KLHL6: variants seen among roughly 807,000 people sequenced by gnomAD.
The protein encoded by KLHL6 is kelch like family member 6.
Under a neutral mutation model 58.6 loss-of-function variants are expected in KLHL6, and 41 were observed. That is an observed-to-expected ratio of 0.70 (90% CI 0.55 to 0.91). The LOEUF (loss-of-function observed/expected upper bound fraction) is 0.91. KLHL6 is among the 40% of genes least tolerant of loss of function. The pLI is 0.00. For missense variants in KLHL6, 714 were observed against 805.6 expected, an observed-to-expected ratio of 0.89 and a Z score of 1.38; for synonymous variants, 338 against 322.7, an observed-to-expected ratio of 1.05 and a Z score of -0.51.
intron 1 of KLHL6, among the ~76,000 whole-genome samples, chr3:183,538,249 C>T (rs1712429451): frequency 6.6e-6 from 1 of 152,168 alleles, no homozygotes; most frequent in Admixed American, 6.6e-5. Context: ...ATATTTCACC[C>T]AGCCCGACTC....
chr3:183,554,955 G>A (rs890137822), intron 1 of KLHL6, among the ~76,000 whole-genome samples: 6 of 151,988 alleles, frequency 3.9e-5, no homozygotes, highest in South Asian at 2.1e-4. Flanking sequence ...ACCTGAGGTC[G>A]GGAGTTCAAG....
intron 2 of KLHL6, among the ~76,000 whole-genome samples, chr3:183,525,771 C>T (rs1711943592): frequency 6.6e-6 from 1 of 152,212 alleles, no homozygotes; most frequent in Non-Finnish European, 1.5e-5. Context: ...TTTCCACACG[C>T]AGACCTGCGG....
chr3:183,538,724 C>G (rs1172354014), intron 1 of KLHL6, among the ~76,000 whole-genome samples: 1 of 152,174 alleles, frequency 6.6e-6, no homozygotes, highest in East Asian at 1.9e-4. Context: ...CATGGCATCT[C>G]TCTCTATGGT....
chr3:183,508,051 C>G lies in KLHL6; in HGVS notation c.909+8G>C. ...GGTTAAATATAGCACCTCTTATCTT[C>G]TACTCACCTCATTGCCAGAAAGGTG... is the stretch of plus-strand genomic sequence containing the variant. On this transcript the variant is annotated splice_region_variant and intron_variant, in intron 3 of 6. Transcript: ENST00000341319. The G allele has an allele frequency of 6.2e-7, 1 of 1,611,712 alleles. No homozygotes were observed. Among genetic ancestry groups the G allele is most frequent in the Middle Eastern group, 1.7e-4 (1 of 6,044 alleles).
At chr3:183,500,338 G>C (rs1448006751) in intron 3 of KLHL6, among the ~76,000 whole-genome samples, 1 of 152,224 alleles carries the variant, frequency 6.6e-6, no homozygotes, top group Non-Finnish European at 1.5e-5. Flanking sequence ...ACAAGAACTA[G>C]AAGGAATCAG....
In KLHL6 at chr3:183,527,803, A is replaced by C. The variant is rs1386695642; in HGVS notation, c.459+42T>G. On this transcript the variant is annotated intron_variant, in intron 2 of 6. Coordinates refer to ENST00000341319, the MANE Select transcript of KLHL6 (RefSeq NM_130446.4). The stretch of plus-strand genomic sequence containing the variant: ...TGGCCTCTGGAGAATTACTGCATTC[A>C]CCTGCTTCAGAGAAGAGCACTGAGC... The C allele has an allele frequency of 9.4e-6, 15 of 1,603,266 alleles. No individual in the cohort carries two copies. The East Asian group carries it at 3.4e-4, about 36-fold the overall frequency.
intron 4 of KLHL6, among the ~76,000 whole-genome samples, chr3:183,494,487 G>A (rs1464411655): frequency 6.6e-6 from 1 of 152,192 alleles, no homozygotes; most frequent in African/African-American, 2.4e-5. Context: ...TGGATGATGT[G>A]CCACACTGTG....
At position 183,499,840 on chromosome 3, in the gene KLHL6, G is replaced by T; in HGVS notation, c.910-13C>A. The T allele has an allele frequency of 6.4e-7, 1 of 1,553,278 alleles. No individual in the cohort carries two copies. Among genetic ancestry groups the T allele is most frequent in the Non-Finnish European group, 8.7e-7 (1 of 1,144,912 alleles). On this transcript the variant is annotated splice_polypyrimidine_tract_variant and intron_variant, in intron 3 of 6. Transcript: ENST00000341319. This position sits in a 1 kb window ranked among gnomAD's most constrained non-coding sequence, Gnocchi z 4.6. ...GTTCCGAAATGATCTGGAAATCGATGGGGGTACATGAAGGCAGGGACAACA... is the reference window on the plus strand; with the variant it reads ...GTTCCGAAATGATCTGGAAATCGATTGGGGTACATGAAGGCAGGGACAACA...
chr3:183,495,907 A>G (rs551810955), intron 4 of KLHL6, among the ~76,000 whole-genome samples: 2 of 152,336 alleles, frequency 1.3e-5, no homozygotes, highest in Admixed American at 1.3e-4. Context: ...ATATATACAG[A>G]TCATTAAATA....
intron 2 of KLHL6, among the ~76,000 whole-genome samples, chr3:183,518,136 A>C (rs1309279790): frequency 1.3e-5 from 2 of 152,172 alleles, no homozygotes; most frequent in Non-Finnish European, 2.9e-5. Flanking sequence ...CTGGAGGCTC[A>C]TTGAGAATCT....
At chr3:183,543,731 A>G (rs1380590122) in intron 1 of KLHL6, among the ~76,000 whole-genome samples, 1 of 152,200 alleles carries the variant, frequency 6.6e-6, no homozygotes, top group Non-Finnish European at 1.5e-5. Context: ...TTTCAATCCA[A>G]TAAGGTCTTA....
chr3:183,509,542 C>T (rs75240128), intron 2 of KLHL6, among the ~76,000 whole-genome samples: 8,347 of 152,254 alleles, frequency 0.055, 608 homozygotes, highest in East Asian at 0.19. Context: ...AAACAACCCT[C>T]ACGTCTCAGG....
chr3:183,503,181 TC>T (rs1717915871), intron 3 of KLHL6, among the ~76,000 whole-genome samples: 1 of 152,256 alleles, frequency 6.6e-6, no homozygotes, highest in Non-Finnish European at 1.5e-5. Flanking sequence ...CTGCTCACTG[TC>T]CACAGATCTT....
chr3:183,541,103 A>T (rs767292907), intron 1 of KLHL6, among the ~76,000 whole-genome samples: 2 of 152,210 alleles, frequency 1.3e-5, no homozygotes, highest in Non-Finnish European at 2.9e-5. Flanking sequence ...CCTGGTTCTA[A>T]CCACTTAGAA....
intron 1 of KLHL6, among the ~76,000 whole-genome samples, chr3:183,542,257 A>T (rs1221641489): frequency 6.6e-6 from 1 of 152,058 alleles, no homozygotes; most frequent in Non-Finnish European, 1.5e-5. Context: ...CTTGGATCAC[A>T]TCTCTTTCCT....
At chr3:183,531,592 T>A (rs531939388) in intron 1 of KLHL6, among the ~76,000 whole-genome samples, 2 of 151,728 alleles carry the variant, frequency 1.3e-5, no homozygotes, top group African/African-American at 4.8e-5. Context: ...AACTACAGGC[T>A]CCTGCCACCA....
rs59579259 is a variant in KLHL6 at position 183,531,443 on chromosome 3, G to GTTTTTTT, written c.294-3440_294-3434dup. Reference sequence around the variant, plus strand: ...TTCTTTCTGTTCTTTTTTTGTCTGTGTTTTTTTTTTTTTTTTTTTTTTTTG... The same window carrying GTTTTTTT: ...TTCTTTCTGTTCTTTTTTTGTCTGTGTTTTTTTTTTTTTTTTTTTTTTTTTTTTTTTG... On this transcript the variant is annotated intron_variant, in intron 1 of 6. Coordinates refer to ENST00000341319, the MANE Select transcript of KLHL6 (RefSeq NM_130446.4). Among the ~76,000 whole-genome samples the GTTTTTTT allele has an allele frequency of 1.5e-3, 136 of 90,330 alleles. 5 individuals are homozygous for GTTTTTTT. Among genetic ancestry groups the GTTTTTTT allele is most frequent in the African/African-American group, 5.5e-3 (114 of 20,644 alleles). 59.3% of individuals were successfully genotyped at this position (90,330 alleles called of 152,430 possible). A position where few individuals can be genotyped will look rare whatever the true frequency, so the allele number is the denominator to read the frequency against.
intron 1 of KLHL6, among the ~76,000 whole-genome samples, chr3:183,534,397 T>C (rs1168482583): frequency 6.6e-6 from 1 of 151,822 alleles, no homozygotes. Flanking sequence ...AGTCACCACA[T>C]TTTTTGTTTG....
intron 4 of KLHL6, among the ~76,000 whole-genome samples, chr3:183,495,949 G>A (rs1039327948): frequency 6.6e-6 from 1 of 152,028 alleles, no homozygotes; most frequent in African/African-American, 2.4e-5. Context: ...TATTCATTTG[G>A]ATAAAGATTA....
Sources: gnomAD v4.1 joint callset for allele counts (sites outside exome capture counted in the v4.1 genomes callset) on GRCh38, gnomAD v4.1.1 for gene constraint, Gnocchi (gnomAD v3.1) non-coding constraint, MANE v1.5 for transcripts, NCBI Gene and HGNC (gene_info 2026-07-23, HGNC 2026-07-21) for gene names.